Variants in DNAH17 observed in about 807,000 individuals in gnomAD.
The protein encoded by DNAH17 is axonemal beta dynein heavy chain 17.
Under a neutral mutation model 485.6 loss-of-function variants are expected in DNAH17, and 376 were observed. The observed-to-expected ratio is 0.77, with a 90% confidence interval of 0.71 to 0.84. The LOEUF (loss-of-function observed/expected upper bound fraction) is 0.84, where lower values mean the gene tolerates loss of function less well. DNAH17 is among the 40% of genes least tolerant of loss of function. The pLI is 0.00. For missense variants in DNAH17, 6,370 were observed against 5,839.3 expected, an observed-to-expected ratio of 1.09 and a Z score of -2.96; for synonymous variants, 3,031 against 2,405.9, an observed-to-expected ratio of 1.26 and a Z score of -7.60.
intron 51 of DNAH17, among the ~76,000 whole-genome samples, chr17:78,477,151 A>C (rs2146601861): frequency 6.6e-6 from 1 of 152,214 alleles, no homozygotes; most frequent in African/African-American, 2.4e-5. Flanking sequence ...GCTCGACAAG[A>C]GCTTATTGAG....
At chr17:78,500,484 G>GT in intron 35 of DNAH17, 23 bp from the exon 36 acceptor site, 1 of 1,542,202 alleles carries the variant, frequency 6.5e-7, no homozygotes, top group Non-Finnish European at 8.7e-7. Flanking sequence ...ACAGGTAAGC[G>GT]TGTGTGCCAG....
intron 74 of DNAH17, among the ~76,000 whole-genome samples, chr17:78,437,324 G>T (rs1373004720): frequency 6.6e-6 from 1 of 152,200 alleles, no homozygotes; most frequent in Non-Finnish European, 1.5e-5. Flanking sequence ...GTCATGACGT[G>T]TTCCATGCTC....
At chr17:78,470,901 A>G (rs1296941613) in intron 54 of DNAH17, among the ~76,000 whole-genome samples, 1 of 152,226 alleles carries the variant, frequency 6.6e-6, no homozygotes, top group East Asian at 1.9e-4. Context: ...AGATGGTTTC[A>G]TAGGAATTTT....
intron 63 of DNAH17, among the ~76,000 whole-genome samples, chr17:78,455,056 C>T (rs1454238730): frequency 6.6e-6 from 1 of 152,104 alleles, no homozygotes; most frequent in East Asian, 1.9e-4. Context: ...ATTACAGGTG[C>T]CCGCCACCAT....
At chr17:78,427,653 C>T (rs962157500) in intron 77 of DNAH17, among the ~76,000 whole-genome samples, 8 of 152,180 alleles carry the variant, frequency 5.3e-5, no homozygotes, top group Middle Eastern at 3.2e-3. Context: ...TTAGCTAGTA[C>T]GTAATAGAGC....
At position 78,441,201 on chromosome 17, in the gene DNAH17, T is replaced by C. The variant is rs748301252; in HGVS notation, c.11529-2A>G. The C allele has an allele frequency of 1.9e-6, 3 of 1,613,588 alleles. No homozygotes were observed. The Admixed American group carries it at 5.0e-5, about 27-fold the overall frequency. On this transcript the variant is annotated splice_acceptor_variant, in intron 71 of 80. Transcript: ENST00000389840. LOFTEE classifies it high-confidence loss of function. ...CCCATCTTTTCCTCCACGAAGTTCCTAGGGGTGGAGTGCATCAGAGGCAGC... is the reference window on the plus strand; with the variant it reads ...CCCATCTTTTCCTCCACGAAGTTCCCAGGGGTGGAGTGCATCAGAGGCAGC...
At chr17:78,540,570 G>A (rs1031753508) in intron 17 of DNAH17, among the ~76,000 whole-genome samples, 2 of 122,108 alleles carry the variant, frequency 1.6e-5, no homozygotes, top group Non-Finnish European at 3.4e-5. Context: ...TGGATGGATG[G>A]GTACGTGGCT....
chr17:78,460,430 A>G (rs1262038196), intron 58 of DNAH17, among the ~76,000 whole-genome samples, 173 bp from the exon 59 acceptor site: 2 of 152,124 alleles, frequency 1.3e-5, no homozygotes, highest in Admixed American at 6.5e-5. Flanking sequence ...GTGTATGTGC[A>G]TCCATGTGCA....
chr17:78,440,927 C>T (rs747318860), intron 72 of DNAH17, 124 bp downstream of exon 72: 55 of 1,172,182 alleles, frequency 4.7e-5, no homozygotes, highest in East Asian at 7.8e-5. Flanking sequence ...GCCATCCTAC[C>T]GGCGTGAAGC....
intron 18 of DNAH17, among the ~76,000 whole-genome samples, chr17:78,538,310 T>A (rs1375201127): frequency 1.3e-5 from 2 of 152,110 alleles, no homozygotes; most frequent in Non-Finnish European, 2.9e-5. Flanking sequence ...GAGGCCCCTG[T>A]GAGGCTGCAG....
intron 63 of DNAH17, 150 bp from the exon 64 acceptor site, chr17:78,454,855 G>A (rs1401636973): frequency 6.0e-6 from 4 of 662,040 alleles, no homozygotes; most frequent in Non-Finnish European, 1.0e-5. Context: ...CCATCACTCT[G>A]GACAGAGCAG....
intron 16 of DNAH17, among the ~76,000 whole-genome samples, 198 bp from the exon 17 acceptor site, chr17:78,544,195 T>G (rs2091686196): frequency 1.3e-5 from 2 of 152,174 alleles, no homozygotes; most frequent in African/African-American, 4.8e-5. Context: ...GAACCTTAAA[T>G]AATTTAGCTC....
At chr17:78,482,433 A>G (rs1040233487) in intron 48 of DNAH17, among the ~76,000 whole-genome samples, 15 of 152,188 alleles carry the variant, frequency 9.9e-5, no homozygotes, top group Non-Finnish European at 1.9e-4. Flanking sequence ...TCAATTTTAT[A>G]CATTGCAAAT....
intron 29 of DNAH17, among the ~76,000 whole-genome samples, 167 bp from the exon 30 acceptor site, chr17:78,507,013 C>T (rs1286522899): frequency 6.6e-6 from 1 of 152,174 alleles, no homozygotes; most frequent in African/African-American, 2.4e-5. Context: ...GTTTCTTTGC[C>T]ATCCCCTGAC....
intron 65 of DNAH17, 135 bp downstream of exon 65, chr17:78,453,208 G>T: frequency 1.7e-6 from 2 of 1,201,856 alleles, no homozygotes; most frequent in Non-Finnish European, 1.2e-6. Flanking sequence ...CCCACCAGCA[G>T]GCACTTTGTC....
At chr17:78,503,999 C>A (rs116439557) in intron 31 of DNAH17, among the ~76,000 whole-genome samples, 10 of 146,732 alleles carry the variant, frequency 6.8e-5, no homozygotes, top group Non-Finnish European at 7.5e-5. Context: ...AACAAATGAA[C>A]AAAAAAAAAA....
intron 19 of DNAH17, among the ~76,000 whole-genome samples, chr17:78,534,326 C>T (rs1417656565): frequency 2.0e-5 from 3 of 152,118 alleles, no homozygotes; most frequent in African/African-American, 4.8e-5. Context: ...CACGAGGAAA[C>T]GGTGTAATTG....
At chr17:78,432,901 T>TG (rs113175260) in intron 75 of DNAH17, among the ~76,000 whole-genome samples, 23,551 of 58,634 alleles carry the variant, frequency 0.4, 3,434 homozygotes, top group Middle Eastern at 0.52. Context: ...GCTTCAAACG[T>TG]GCCCCCCCCC....
chr17:78,426,670 G>C, intron 78 of DNAH17, 70 bp from the exon 79 acceptor site: 1 of 1,524,008 alleles, frequency 6.6e-7, no homozygotes, highest in East Asian at 2.3e-5. Context: ...CCCAGTGCGT[G>C]TCATGAGTTG....
Sources: gnomAD v4.1 joint callset for allele counts (sites outside exome capture counted in the v4.1 genomes callset) on GRCh38, gnomAD v4.1.1 for gene constraint, MANE v1.5 for transcripts, NCBI Gene and HGNC (gene_info 2026-07-23, HGNC 2026-07-21) for gene names.